SSBP4: variants seen among roughly 807,000 people sequenced by gnomAD.
SSBP4 encodes single-stranded DNA-binding protein 4.
A neutral mutation model predicts 64.6 loss-of-function variants in SSBP4; 33 were observed. That is an observed-to-expected ratio of 0.51 (90% CI 0.39 to 0.68). The LOEUF (loss-of-function observed/expected upper bound fraction) is 0.68, where lower values mean the gene tolerates loss of function less well. SSBP4 is among the 30% of genes least tolerant of loss of function. The probability of loss-of-function intolerance (pLI) is 0.00; values close to 1 mark genes in which losing one functional copy is unlikely to be tolerated. For missense variants in SSBP4, 583 were observed against 566.8 expected (o/e 1.03, Z -0.29); for synonymous variants, 243 against 224.0 (o/e 1.08, Z -0.76).
At chr19:18,421,709 C>T (rs1972478429) in intron 1 of SSBP4, among the ~76,000 whole-genome samples, 1 of 152,104 alleles carries the variant, frequency 6.6e-6, no homozygotes, top group East Asian at 1.9e-4. Context: ...GGGGCTGGGC[C>T]CAGGTGGAGG....
At chr19:18,420,385 G>A (rs1972358907) in intron 1 of SSBP4, among the ~76,000 whole-genome samples, 1 of 152,082 alleles carries the variant, frequency 6.6e-6, no homozygotes, top group Non-Finnish European at 1.5e-5. Flanking sequence ...TGGGTACCAG[G>A]CGCTCTGAAG....
chr19:18,421,339 C>T (rs1239745526), intron 1 of SSBP4, among the ~76,000 whole-genome samples: 1 of 152,266 alleles, frequency 6.6e-6, no homozygotes, highest in Non-Finnish European at 1.5e-5. Context: ...CCTCTGGCTC[C>T]TGCTCAGGTC....
At chr19:18,428,982 C>G (rs999219431) in intron 4 of SSBP4, among the ~76,000 whole-genome samples, 1 of 152,218 alleles carries the variant, frequency 6.6e-6, no homozygotes, top group African/African-American at 2.4e-5. Context: ...CGCCCCCCGC[C>G]GGGCCAGGAG....
intron 1 of SSBP4, among the ~76,000 whole-genome samples, chr19:18,424,805 A>G (rs1272753614): frequency 6.7e-6 from 1 of 149,230 alleles, no homozygotes; most frequent in East Asian, 2.0e-4. Context: ...TGCGCACGCC[A>G]CCAGAGGCTC....
Position 18,433,323 on chromosome 19 carries a change from C to T in SSBP4, c.991+110C>T, listed in dbSNP as rs1973631785. 10 of 1,407,310 alleles carry T rather than the reference C, an allele frequency of 7.1e-6. No homozygotes were observed. In the South Asian group the frequency reaches 1.2e-4, roughly 17 times the overall value. The allele number at this position is 1,407,310 out of a possible 1,614,324, so 87.2% of individuals were successfully genotyped here. On this transcript the variant is annotated intron_variant, in intron 15 of 17. Coordinates refer to ENST00000270061, the MANE Select transcript of SSBP4 (RefSeq NM_032627.5). ...GCCGGGTGGAGGCGTCTAGTGGCGT[C>T]CTGAGCCCCCCGGGGGCCGCTCAGT...
chr19:18,427,618 C>T lies in SSBP4; in HGVS notation c.133-134C>T. The T allele has an allele frequency of 8.2e-7, 1 of 1,222,146 alleles. No homozygotes were observed. The highest frequency in any genetic ancestry group is 1.1e-6 in the Non-Finnish European group (1 of 891,344). 75.7% of individuals were successfully genotyped at this position (1,222,146 alleles called of 1,614,324 possible). ...TGCCCAGCCGGGACCTGCCACACATCCTGGGGCCCTCTGCCCACCCTGTTA... is the reference window on the plus strand; with the variant it reads ...TGCCCAGCCGGGACCTGCCACACATTCTGGGGCCCTCTGCCCACCCTGTTA... On this transcript the variant is annotated intron_variant, in intron 2 of 17. Coordinates refer to ENST00000270061, the MANE Select transcript of SSBP4 (RefSeq NM_032627.5). The surrounding 1 kb of genome is among the most constrained non-coding windows in gnomAD (Gnocchi z 4.4).
the SSBP4 span, among the ~76,000 whole-genome samples, chr19:18,411,993 C>A: frequency 6.6e-5 from 10 of 151,816 alleles, no homozygotes; most frequent in South Asian, 2.1e-4. Flanking sequence ...GTCAGACCCC[C>A]CACACACACA....
rs1415795762 is a variant in SSBP4 at position 18,419,526 on chromosome 19, G to A, written c.-123G>A. The A allele has an allele frequency of 2.7e-6, 3 of 1,124,296 alleles. No individual in the cohort carries two copies. In the African/African-American group the frequency reaches 5.0e-5, roughly 19 times the overall value. 69.6% of individuals were successfully genotyped at this position (1,124,296 alleles called of 1,614,324 possible). A position where few individuals can be genotyped will look rare whatever the true frequency, so the allele number is the denominator to read the frequency against. On this transcript the variant is annotated 5_prime_UTR_variant, in exon 1 of 18. Coordinates refer to ENST00000270061, the MANE Select transcript of SSBP4 (RefSeq NM_032627.5). ...GAGCTCCCCCGCGCGGACGATGCCT[G>A]CCGTGCCCGCCTGGGGCTCGGGGCG...
Position 18,430,945 on chromosome 19 carries a change from G to A in SSBP4, c.369+15G>A. The A allele has an allele frequency of 6.2e-7, 1 of 1,609,750 alleles. No individual in the cohort carries two copies. Among genetic ancestry groups the A allele is most frequent in the Non-Finnish European group, 8.5e-7 (1 of 1,179,466 alleles). Reference sequence around the variant, plus strand: ...GCTTCTTCCAGGTATGGCCCCGGCTGGAGTCCACTGGCCCCCAACTCTGGC... The same window carrying A: ...GCTTCTTCCAGGTATGGCCCCGGCTAGAGTCCACTGGCCCCCAACTCTGGC... On this transcript the variant is annotated intron_variant, in intron 5 of 17. Coordinates refer to ENST00000270061, the MANE Select transcript of SSBP4 (RefSeq NM_032627.5).
At chr19:18,408,948 G>A in the SSBP4 span, among the ~76,000 whole-genome samples, 1 of 152,036 alleles carries the variant, frequency 6.6e-6, no homozygotes, top group Non-Finnish European at 1.5e-5. Context: ...ATGTAGTGGG[G>A]ACCATGGGTG....
At chr19:18,420,477 G>C (rs925056430) in intron 1 of SSBP4, among the ~76,000 whole-genome samples, 2 of 152,136 alleles carry the variant, frequency 1.3e-5, no homozygotes, top group Non-Finnish European at 2.9e-5. Context: ...AGTCAGCCGA[G>C]TGTGCTCTCC....
At chr19:18,403,426 G>A in the SSBP4 span, among the ~76,000 whole-genome samples, 1 of 152,206 alleles carries the variant, frequency 6.6e-6, no homozygotes, top group Non-Finnish European at 1.5e-5. Context: ...CACCTGATGA[G>A]ATATCCCACA....
At chr19:18,410,304 G>T in the SSBP4 span, among the ~76,000 whole-genome samples, 1 of 150,686 alleles carries the variant, frequency 6.6e-6, no homozygotes, top group South Asian at 2.1e-4. Context: ...CCTAATTTTT[G>T]TATTTTTAGT....
Position 18,419,672 on chromosome 19 carries a change from T to C in SSBP4, c.24T>C (p.Gly8=). Residue 8 remains glycine (G), a synonymous_variant, in exon 1 of 18, where the codon GGT becomes GGC. Coordinates refer to ENST00000270061, the MANE Select transcript of SSBP4 (RefSeq NM_032627.5). ...GCATGTACGCCAAGGGGGGCAAGGG[T>C]TCGGCCGTGCCCTCCGACAGCCAGG... is the stretch of plus-strand genomic sequence containing the variant. MYAKGGK[G]SAVPSDSQAR... The C allele has an allele frequency of 8.2e-7, 1 of 1,215,612 alleles. No individual in the cohort carries two copies. Among genetic ancestry groups the C allele is most frequent in the Non-Finnish European group, 1.0e-6 (1 of 972,914 alleles). The allele number at this position is 1,215,612 out of a possible 1,614,324, so 75.3% of individuals were successfully genotyped here. A position where few individuals can be genotyped will look rare whatever the true frequency, so the allele number is the denominator to read the frequency against.
the SSBP4 span, among the ~76,000 whole-genome samples, chr19:18,404,317 G>A: frequency 6.6e-6 from 1 of 152,010 alleles, no homozygotes; most frequent in East Asian, 1.9e-4. Flanking sequence ...ATCCAGGCTG[G>A]GCATGGTGGC....
intron 4 of SSBP4, among the ~76,000 whole-genome samples, chr19:18,428,692 C>G (rs1047643827): frequency 6.6e-6 from 1 of 152,152 alleles, no homozygotes; most frequent in African/African-American, 2.4e-5. Context: ...CGCCCACCCC[C>G]TACCCCCTGT....
At chr19:18,419,109 G>A (rs980627642), upstream of SSBP4, 53 of 985,526 alleles carry the variant, frequency 5.4e-5, no homozygotes, top group Admixed American at 6.1e-5. Context: ...GAATGTGTGT[G>A]GCTGGGTGTA....
chr19:18,419,137 G>C (rs1972244694), upstream of SSBP4: 8 of 985,468 alleles, frequency 8.1e-6, no homozygotes, highest in African/African-American at 8.7e-5. Context: ...GTGGGTGGCC[G>C]GCTCCATTTG....
chr19:18,433,784 C>T lies in SSBP4; in HGVS notation c.1095C>T (p.Ala365=), dbSNP rs1450200516. ...GGGACGACGGCGAGATGGCGGCCGC[C>T]GGGACCTTCCTGCACCCGTTCCCGA... ...TPRDDGEMAA[A]GTFLHPFPSE... The change falls in exon 17 of 18, where the codon GCC becomes GCT. Residue 365 remains alanine, a synonymous_variant. Transcript: ENST00000270061. 2.1e-6 allele frequency: 3 copies of T among 1,405,332 alleles called. No homozygotes were observed. The highest frequency in any genetic ancestry group is 2.9e-5 in the Admixed American group (1 of 34,756). 87.1% of individuals were successfully genotyped at this position (1,405,332 alleles called of 1,614,324 possible).
Sources: allele counts gnomAD v4.1 joint callset (sites outside exome capture counted in the v4.1 genomes callset), GRCh38; gene constraint gnomAD v4.1.1; non-coding constraint Gnocchi (gnomAD v3.1); transcripts MANE v1.5; gene names NCBI Gene and HGNC (gene_info 2026-07-23, HGNC 2026-07-21).